The following TEKT3 variants were observed in gnomAD, a reference collection of about 807,000 sequenced individuals.
The protein encoded by TEKT3 is tektin-3.
TEKT3 carries 49 observed loss-of-function variants against 49.8 expected under a neutral mutation model. That is an observed-to-expected ratio of 0.98 (90% CI 0.78 to 1.25). The LOEUF is 1.25. TEKT3 is among the 50% of genes most tolerant of loss of function. The probability of loss-of-function intolerance (pLI) is 0.00; values close to 1 mark genes in which losing one functional copy is unlikely to be tolerated. For synonymous variants in TEKT3, 225 were observed against 237.2 expected, an observed-to-expected ratio of 0.95 and a Z score of 0.47; for missense variants, 595 against 629.5, an observed-to-expected ratio of 0.95 and a Z score of 0.59.
At position 15,331,450 on chromosome 17, in the gene TEKT3, G is replaced by C; in HGVS notation, c.136C>G (p.Leu46Val). ...GTGCTGGGTCTCCAAGGAAGGCTCA[G>C]GCTATGGGTCAAATTGGAGTGGGGA... The part of the protein sequence containing the change: ...RFPHSNLTHS[L>V]SLPWRPSTYY... Residue 46 changes from leucine (L) to valine (V), a missense_variant, in exon 3 of 9, where the codon CTG (leucine) becomes GTG (valine). Physicochemically the swap from Leu to Val is conservative, Grantham distance 32. Coordinates refer to ENST00000395930, the MANE Select transcript of TEKT3 (RefSeq NM_031898.3). The C allele has an allele frequency of 6.2e-7, 1 of 1,614,134 alleles. No homozygotes were observed.
upstream of TEKT3, among the ~76,000 whole-genome samples, chr17:15,343,182 A>G (rs114930458): frequency 7.3e-3 from 1,118 of 152,384 alleles, 15 homozygotes; most frequent in African/African-American, 0.026. Context: ...AATTGAAGAC[A>G]AAATTCATTC....
At chr17:15,305,212 C>T (rs1910493901) in intron 8 of TEKT3, among the ~76,000 whole-genome samples, 1 of 152,172 alleles carries the variant, frequency 6.6e-6, no homozygotes, top group African/African-American at 2.4e-5. Flanking sequence ...CTGGAGCATT[C>T]GCTTCCAAGC....
rs866215230 is a variant in TEKT3 at position 15,318,275 on chromosome 17, C to T, written c.734+802G>A. Among the ~76,000 whole-genome samples, 9 of 152,160 alleles carry T rather than the reference C, an allele frequency of 5.9e-5. No individual in the cohort carries two copies. The South Asian group carries it at 6.2e-4, about 11-fold the overall frequency. On this transcript the variant is annotated intron_variant, in intron 5 of 8. Coordinates refer to ENST00000395930, the MANE Select transcript of TEKT3 (RefSeq NM_031898.3). ...AAGTGCTGGGATTACAGGTGTGAGCCACCACGCCCGGCCGCCGCAGAGGCC... is the reference window on the plus strand; with the variant it reads ...AAGTGCTGGGATTACAGGTGTGAGCTACCACGCCCGGCCGCCGCAGAGGCC...
intron 2 of TEKT3, among the ~76,000 whole-genome samples, chr17:15,334,197 C>G (rs1030903286): frequency 2.0e-5 from 3 of 152,174 alleles, no homozygotes; most frequent in African/African-American, 7.2e-5. Flanking sequence ...TACAAACACA[C>G]ACCACCATGC....
chr17:15,326,249 C>A (rs537580814), intron 4 of TEKT3, among the ~76,000 whole-genome samples: 64 of 152,298 alleles, frequency 4.2e-4, no homozygotes, highest in South Asian at 1.9e-3. Flanking sequence ...CAATTCTCAC[C>A]AAGGACCAAT....
chr17:15,328,031 G>T lies in TEKT3; in HGVS notation c.624C>A (p.Ile208=), dbSNP rs140014086. Residue 208 remains isoleucine, a synonymous_variant, in exon 4 of 9, where the codon ATC becomes ATA. Transcript: ENST00000395930. ...CLFHREKRMG[I]DLVHDEVEAQ... The stretch of plus-strand genomic sequence containing the variant: ...CTTCAACTTCATCGTGAACTAGGTC[G>T]ATTCCCATTCTCTTTTCTCGATGAA... 3 of 1,614,004 alleles carry T rather than the reference G, an allele frequency of 1.9e-6. No individual in the cohort carries two copies. Among genetic ancestry groups the T allele is most frequent in the Non-Finnish European group, 2.5e-6 (3 of 1,179,952 alleles).
rs144697943 is a variant in TEKT3, at chr17:15,321,986, C to T, written c.664-2839G>A. Among the ~76,000 whole-genome samples the T allele has an allele frequency of 7.8e-3, 1,191 of 152,230 alleles. 7 individuals carry two copies. The highest frequency in any genetic ancestry group is 0.014 in the Non-Finnish European group (940 of 68,026). On this transcript the variant is annotated intron_variant, in intron 4 of 8. Coordinates refer to ENST00000395930, the MANE Select transcript of TEKT3 (RefSeq NM_031898.3). ...CCATCACCTCAAGTGAAAATCCCTT[C>T]TTGTGCACACTCCCAGGTCTTGGCT... is the stretch of plus-strand genomic sequence containing the variant.
rs1321129297 is a variant in TEKT3, at chr17:15,308,773, T to G, written c.1147A>C (p.Lys383Gln). The stretch of plus-strand genomic sequence containing the variant: ...GCAGTCTTGTCCTTGATGGCCTTCT[T>G]GATGGATTCTATGGTCATTTCAGTC... ...FQTEMTIESI[K>Q]KAIKDKTAFL... Residue 383 changes from lysine (K) to glutamine (Q), a missense_variant, in exon 8 of 9, where the codon AAG becomes CAG. Transcript: ENST00000395930. 2.5e-6 allele frequency: 4 copies of G among 1,614,100 alleles called. No homozygotes were observed. In the African/African-American group the frequency reaches 5.3e-5, roughly 22 times the overall value.
chr17:15,312,344 T>A lies in TEKT3; in HGVS notation c.1016A>T (p.Gln339Leu). 6.2e-7 allele frequency: 1 copy of A among 1,614,200 alleles called. No homozygotes were observed. The highest frequency in any genetic ancestry group is 8.5e-7 in the Non-Finnish European group (1 of 1,179,998). ...GAAAGACAAGTTCACTTTGTTGAATTGATTCCACATCTCATTGGCAGTCAC... is the reference window on the plus strand; with the variant it reads ...GAAAGACAAGTTCACTTTGTTGAATAGATTCCACATCTCATTGGCAGTCAC... ...LVVTANEMWN[Q>L]FNKVNLSFTN... The change falls in exon 7 of 9, where the codon CAA becomes CTA. Residue 339 changes from glutamine (Q) to leucine (L), a missense_variant. Physicochemically the swap from Gln to Leu is moderately radical, Grantham distance 113. Transcript: ENST00000395930.
At chr17:15,316,934 CTTACAGCCCAAGA>C in intron 5 of TEKT3, among the ~76,000 whole-genome samples, 1 of 152,148 alleles carries the variant, frequency 6.6e-6, no homozygotes, top group Non-Finnish European at 1.5e-5. Context: ...ATCACCACGT[CTTACAGCCCAAGA>C]TGGGAAGACC....
intron 4 of TEKT3, among the ~76,000 whole-genome samples, chr17:15,327,156 GA>G (rs201138913): frequency 2.0e-3 from 273 of 136,116 alleles, no homozygotes; most frequent in East Asian, 2.7e-3. Flanking sequence ...ATGATTGATT[GA>G]AAAAAAAAAA....
intron 5 of TEKT3, among the ~76,000 whole-genome samples, chr17:15,317,630 A>G (rs1210740516): frequency 6.6e-6 from 1 of 152,158 alleles, no homozygotes; most frequent in East Asian, 1.9e-4. Flanking sequence ...TAACACACAT[A>G]ATCACCTCTC....
chr17:15,336,548 T>C (rs190737846), intron 2 of TEKT3, among the ~76,000 whole-genome samples: 266 of 151,408 alleles, frequency 1.8e-3, no homozygotes, highest in Non-Finnish European at 2.8e-3. Flanking sequence ...ATGGTAAGCA[T>C]GTGTGCTAAT....
chr17:15,312,149 A>G (rs748006979), intron 7 of TEKT3, 110 bp downstream of exon 7: 66 of 1,011,586 alleles, frequency 6.5e-5, no homozygotes, highest in Non-Finnish European at 9.0e-5. Context: ...CTGTGTGGCC[A>G]GGCTGTCACA....
chr17:15,340,156 A>G (rs901215324), intron 1 of TEKT3, 95 bp from the exon 2 acceptor site: 1 of 152,154 alleles, frequency 6.6e-6, no homozygotes, highest in African/African-American at 2.4e-5. Flanking sequence ...CAACAGGAGG[A>G]TGCATACATA....
intron 4 of TEKT3, among the ~76,000 whole-genome samples, chr17:15,323,964 G>GT (rs1911376778): frequency 6.6e-6 from 1 of 152,170 alleles, no homozygotes; most frequent in Non-Finnish European, 1.5e-5. Flanking sequence ...TAATTCACTT[G>GT]TTTAAAGTGT....
Position 15,315,570 on chromosome 17 carries a change from T to A in TEKT3, c.735-1340A>T, listed in dbSNP as rs139644493. Among the ~76,000 whole-genome samples the A allele has an allele frequency of 7.8e-3, 1,106 of 141,334 alleles. 6 individuals carry two copies. The highest frequency in any genetic ancestry group is 0.043 in the Middle Eastern group (12 of 280). The allele number at this position is 141,334 out of a possible 152,430, so 92.7% of individuals were successfully genotyped here. Reference sequence around the variant, plus strand: ...AAGATAGAACCAAGAGAATCTCCTATGAAATTGAACACCAGTGAGAAAAAA... The same window carrying A: ...AAGATAGAACCAAGAGAATCTCCTAAGAAATTGAACACCAGTGAGAAAAAA... On this transcript the variant is annotated intron_variant, in intron 5 of 8. Transcript: ENST00000395930.
intron 2 of TEKT3, among the ~76,000 whole-genome samples, 185 bp from the exon 3 acceptor site, chr17:15,331,799 T>C (rs892485903): frequency 1.3e-5 from 2 of 152,178 alleles, no homozygotes; most frequent in African/African-American, 4.8e-5. Flanking sequence ...TTTTTTAATC[T>C]CTATGTCTCT....
rs576092535 is a variant in TEKT3 at position 15,306,109 on chromosome 17, G to A, written c.1257-1957C>T. ...TATATATGTGTGTGTGTGTGTGTGT[G>A]TGTGTGTGTGTGTGTGTGTGCATAT... On this transcript the variant is annotated intron_variant, in intron 8 of 8. Coordinates refer to ENST00000395930, the MANE Select transcript of TEKT3 (RefSeq NM_031898.3). Among the ~76,000 whole-genome samples, 1,164 of 151,434 alleles carry A rather than the reference G, an allele frequency of 7.7e-3. 76 individuals carry two copies. The East Asian group carries it at 0.14, about 19-fold the overall frequency.
Sources: allele counts gnomAD v4.1 joint callset (sites outside exome capture counted in the v4.1 genomes callset), GRCh38; gene constraint gnomAD v4.1.1; transcripts MANE v1.5; gene names NCBI Gene and HGNC (gene_info 2026-07-23, HGNC 2026-07-21).